Variants in SGCD observed in about 807,000 individuals in gnomAD.
SGCD encodes the protein sarcoglycan delta, also known as delta-sarcoglycan.
Under a neutral mutation model 36.6 loss-of-function variants are expected in SGCD, and 18 were observed. That is an observed-to-expected ratio of 0.49 (90% CI 0.34 to 0.73). SGCD has a LOEUF of 0.73. Ranked by LOEUF, SGCD falls within the 30% of genes least tolerant of loss-of-function variation. The pLI, the probability that SGCD is intolerant of heterozygous loss-of-function variation, is 0.01. For synonymous variants in SGCD, 133 were observed against 130.6 expected, an observed-to-expected ratio of 1.02 and a Z score of -0.12; for missense variants, 387 against 346.7, an observed-to-expected ratio of 1.12 and a Z score of -0.92.
chr5:156,252,436 A>G (rs1304231351), intron 3 of SGCD, among the ~76,000 whole-genome samples: 2 of 152,210 alleles, frequency 1.3e-5, no homozygotes, highest in Non-Finnish European at 2.9e-5. Flanking sequence ...CGAATCATAC[A>G]GGATGTTGTC....
intron 3 of SGCD, among the ~76,000 whole-genome samples, chr5:156,204,690 A>G (rs1426896027): frequency 6.6e-6 from 1 of 152,096 alleles, no homozygotes; most frequent in Non-Finnish European, 1.5e-5. Flanking sequence ...TGAGGAATAA[A>G]TATAGTTATA....
At chr5:156,011,791 C>T (rs1024875285) in intron 1 of SGCD, among the ~76,000 whole-genome samples, 20 of 152,164 alleles carry the variant, frequency 1.3e-4, no homozygotes, top group Non-Finnish European at 2.4e-4. Flanking sequence ...TTCTTCTCTG[C>T]ACTTTTTCTG....
At chr5:156,014,786 A>C (rs1758930673) in intron 1 of SGCD, among the ~76,000 whole-genome samples, 1 of 152,094 alleles carries the variant, frequency 6.6e-6, no homozygotes, top group East Asian at 1.9e-4. Flanking sequence ...AACAGCCCTC[A>C]ACCTTTCTTT....
At chr5:156,551,778 A>G (rs910725448) in intron 4 of SGCD, among the ~76,000 whole-genome samples, 4 of 152,172 alleles carry the variant, frequency 2.6e-5, no homozygotes. Flanking sequence ...ACTTGCTGAT[A>G]TATTCCATGC....
chr5:156,162,156 G>A (rs1472347990), intron 3 of SGCD, among the ~76,000 whole-genome samples: 3 of 151,394 alleles, frequency 2.0e-5, no homozygotes, highest in African/African-American at 7.4e-5. Flanking sequence ...GCCAAGGAAG[G>A]AAGGAAGCAC....
At chr5:156,536,083 C>G (rs1300937470) in intron 4 of SGCD, among the ~76,000 whole-genome samples, 2 of 152,044 alleles carry the variant, frequency 1.3e-5, no homozygotes, top group African/African-American at 4.8e-5. Flanking sequence ...TATTTAATGG[C>G]AATATTCATT....
At chr5:156,460,754 G>A (rs1581026702) in intron 3 of SGCD, among the ~76,000 whole-genome samples, 1 of 152,228 alleles carries the variant, frequency 6.6e-6, no homozygotes, top group East Asian at 1.9e-4. Context: ...CAGTATAACA[G>A]CATCTACAGG....
chr5:155,973,496 A>T (rs1485608305), intron 1 of SGCD, among the ~76,000 whole-genome samples: 1 of 152,214 alleles, frequency 6.6e-6, no homozygotes, highest in Non-Finnish European at 1.5e-5. Context: ...TTCAGCTCAC[A>T]CTTGTCAATG....
At chr5:155,925,513 A>G (rs991387869) in intron 1 of SGCD, among the ~76,000 whole-genome samples, 3 of 151,904 alleles carry the variant, frequency 2.0e-5, no homozygotes, top group Non-Finnish European at 4.4e-5. Flanking sequence ...TGGTAGCGTC[A>G]CTCCAATCAG....
rs554373445 is a variant in SGCD at position 155,985,034 on chromosome 5, G to A, written c.-282+114610G>A. On this transcript the variant is annotated intron_variant, in intron 1 of 9. Coordinates refer to the SGCD transcript ENST00000517913. Reference sequence around the variant, plus strand: ...TACTGGGTGGATGGATTGAAATAAGGCTCACCAATATCAAAACTTTAATGA... The same window carrying A: ...TACTGGGTGGATGGATTGAAATAAGACTCACCAATATCAAAACTTTAATGA... 1.5e-3 allele frequency among the ~76,000 whole-genome samples: 231 copies of A among 152,248 alleles called. 1 individual carries two copies. The highest frequency in any genetic ancestry group is 5.2e-3 in the African/African-American group (218 of 41,548).
At chr5:155,799,396 ATT>A in the SGCD span, among the ~76,000 whole-genome samples, 12 of 124,714 alleles carry the variant, frequency 9.6e-5, no homozygotes, top group Non-Finnish European at 8.1e-5. Flanking sequence ...CAATGACTTT[ATT>A]TTTTTTTTTT....
At chr5:156,684,450 C>A (rs1561856407) in intron 7 of SGCD, among the ~76,000 whole-genome samples, 1 of 152,272 alleles carries the variant, frequency 6.6e-6, no homozygotes, top group East Asian at 1.9e-4. Context: ...GAATTATTTC[C>A]AGAATCTCAA....
At chr5:156,542,659 G>C (rs1325334601) in intron 4 of SGCD, among the ~76,000 whole-genome samples, 1 of 152,174 alleles carries the variant, frequency 6.6e-6, no homozygotes, top group African/African-American at 2.4e-5. Context: ...GTGAACCTCA[G>C]AGACATGGAG....
intron 1 of SGCD, among the ~76,000 whole-genome samples, chr5:156,114,368 C>T (rs566659803): frequency 3.3e-5 from 5 of 152,196 alleles, no homozygotes; most frequent in African/African-American, 1.2e-4. Flanking sequence ...ATCACAGGTA[C>T]CCTCACGCAA....
At chr5:156,528,408 TGC>T (rs1757732103) in intron 4 of SGCD, among the ~76,000 whole-genome samples, 1 of 152,184 alleles carries the variant, frequency 6.6e-6, no homozygotes, top group Non-Finnish European at 1.5e-5. Flanking sequence ...TATCTTTTTT[TGC>T]CACCGTCTCC....
intron 1 of SGCD, among the ~76,000 whole-genome samples, chr5:156,073,751 A>G (rs1407100194): frequency 6.6e-6 from 1 of 152,204 alleles, no homozygotes. Flanking sequence ...AAGATATAAT[A>G]CAGAGATATA....
the SGCD span, among the ~76,000 whole-genome samples, chr5:155,810,739 T>G: frequency 1.2e-4 from 18 of 144,698 alleles, no homozygotes; most frequent in Admixed American, 1.1e-3. Context: ...CTCGAAAATA[T>G]CAATCATGAT....
At chr5:156,201,112 T>A (rs1968434) in intron 3 of SGCD, among the ~76,000 whole-genome samples, 23,739 of 152,170 alleles carry the variant, frequency 0.16, 2,462 homozygotes, top group Admixed American at 0.21. Flanking sequence ...AATTATTGAT[T>A]GATGGGCGTA....
intron 6 of SGCD, among the ~76,000 whole-genome samples, chr5:156,617,032 G>A (rs1248149896): frequency 6.6e-6 from 1 of 152,010 alleles, no homozygotes; most frequent in East Asian, 1.9e-4. Flanking sequence ...TCTTCTTCAG[G>A]CTAGTTATCA....
Sources: gnomAD v4.1 joint callset for allele counts (sites outside exome capture counted in the v4.1 genomes callset) on GRCh38, gnomAD v4.1.1 for gene constraint, MANE v1.5 for transcripts, NCBI Gene and HGNC (gene_info 2026-07-23, HGNC 2026-07-21) for gene names.